ATP8A2: variants seen among roughly 807,000 people sequenced by gnomAD.
ATP8A2 encodes the protein ATPase phospholipid transporting 8A2.
A neutral mutation model predicts 165.6 loss-of-function variants in ATP8A2; 100 were observed. The ratio of observed to expected loss-of-function variants is 0.60; its 90% CI spans 0.51 to 0.71. The LOEUF (loss-of-function observed/expected upper bound fraction) is 0.71. ATP8A2 is among the 30% of genes least tolerant of loss of function. The pLI, the probability that ATP8A2 is intolerant of heterozygous loss-of-function variation, is 0.00. For missense variants in ATP8A2, 1,227 were observed against 1,479.5 expected (o/e 0.83, Z 2.80); for synonymous variants, 543 against 548.8 (o/e 0.99, Z 0.15).
At chr13:25,845,755 G>A (rs1040091965) in intron 30 of ATP8A2, among the ~76,000 whole-genome samples, 13 of 152,178 alleles carry the variant, frequency 8.5e-5, no homozygotes, top group African/African-American at 3.1e-4. Flanking sequence ...CTGAAAACTT[G>A]AGTGTTTCAT....
chr13:25,554,317 G>A (rs1490479718), intron 12 of ATP8A2, among the ~76,000 whole-genome samples: 1 of 152,166 alleles, frequency 6.6e-6, no homozygotes, highest in Non-Finnish European at 1.5e-5. Context: ...TAAGGGTGGA[G>A]ATAAGATATT....
chr13:25,952,489 C>T (rs1164105088), intron 33 of ATP8A2, among the ~76,000 whole-genome samples: 1 of 151,984 alleles, frequency 6.6e-6, no homozygotes, highest in Non-Finnish European at 1.5e-5. Flanking sequence ...CAAGCGATCC[C>T]CCCACCTTAG....
At chr13:25,420,984 C>A (rs1018519804) in intron 1 of ATP8A2, among the ~76,000 whole-genome samples, 1 of 152,214 alleles carries the variant, frequency 6.6e-6, no homozygotes, top group African/African-American at 2.4e-5. Context: ...TTTATTTCAA[C>A]CATGCCTTCC....
chr13:25,418,177 A>T (rs913394950), intron 1 of ATP8A2, among the ~76,000 whole-genome samples: 1 of 152,184 alleles, frequency 6.6e-6, no homozygotes, highest in Non-Finnish European at 1.5e-5. Flanking sequence ...GCTCCCAATG[A>T]ATACATACCC....
intron 2 of ATP8A2, among the ~76,000 whole-genome samples, chr13:25,524,933 TCCTTCTTTC>T (rs2037794440): frequency 6.6e-6 from 1 of 151,150 alleles, no homozygotes; most frequent in East Asian, 1.9e-4. Flanking sequence ...CTTCCTTCCT[TCCTTCTTTC>T]CTTCCGTCTT....
intron 1 of ATP8A2, among the ~76,000 whole-genome samples, chr13:25,430,447 G>A (rs1593296681): frequency 6.6e-6 from 1 of 152,138 alleles, no homozygotes; most frequent in African/African-American, 2.4e-5. Flanking sequence ...GCTGGATTTG[G>A]CAAAGACTTG....
chr13:25,450,642 C>A (rs1239245870), intron 1 of ATP8A2, among the ~76,000 whole-genome samples: 1 of 152,128 alleles, frequency 6.6e-6, no homozygotes, highest in African/African-American at 2.4e-5. Context: ...CGCCATTCTC[C>A]TGCTTCAGCC....
At chr13:25,783,955 A>AG (rs931213093) in intron 27 of ATP8A2, among the ~76,000 whole-genome samples, 1 of 152,042 alleles carries the variant, frequency 6.6e-6, no homozygotes, top group Non-Finnish European at 1.5e-5. Context: ...AAAGGTGGAG[A>AG]GGGGGTGAGA....
chr13:25,847,109 A>G (rs543245063), intron 30 of ATP8A2, among the ~76,000 whole-genome samples: 71 of 152,348 alleles, frequency 4.7e-4, no homozygotes, highest in African/African-American at 1.6e-3. Context: ...CCATCTGGGA[A>G]GACCTGCAGG....
chr13:25,393,347 A>T (rs527586329), intron 1 of ATP8A2, among the ~76,000 whole-genome samples: 2 of 152,072 alleles, frequency 1.3e-5, no homozygotes, highest in Admixed American at 1.3e-4. Flanking sequence ...GCCCAGGCTA[A>T]TTTCAAACTC....
chr13:25,445,556 A>T (rs564747010), intron 1 of ATP8A2, among the ~76,000 whole-genome samples: 2 of 152,376 alleles, frequency 1.3e-5, no homozygotes, highest in Non-Finnish European at 2.9e-5. Flanking sequence ...TCAAATATTG[A>T]TTTTTAAAAA....
intron 29 of ATP8A2, among the ~76,000 whole-genome samples, chr13:25,837,511 G>A (rs1046438396): frequency 2.3e-4 from 35 of 150,868 alleles, no homozygotes; most frequent in African/African-American, 6.3e-4. Flanking sequence ...CTCAGGTGAC[G>A]GGTCCATGCT....
chr13:25,582,177 A>G (rs917885469), intron 23 of ATP8A2, among the ~76,000 whole-genome samples: 5 of 152,372 alleles, frequency 3.3e-5, no homozygotes, highest in East Asian at 3.8e-4. Flanking sequence ...AGAATTAGAC[A>G]CACTTACATA....
intron 33 of ATP8A2, among the ~76,000 whole-genome samples, chr13:25,887,999 T>C (rs1040212605): frequency 1.3e-5 from 2 of 151,782 alleles, no homozygotes; most frequent in Non-Finnish European, 2.9e-5. Context: ...TGAGTGACTT[T>C]TGAGGTCGTG....
intron 26 of ATP8A2, 38 bp from the exon 27 acceptor site, chr13:25,774,811 G>A: frequency 8.2e-7 from 1 of 1,213,230 alleles, no homozygotes; most frequent in Non-Finnish European, 1.2e-6. Context: ...ATTCCTCAAT[G>A]ATGGGCTCTT....
At chr13:25,931,812 C>T (rs540960607) in intron 33 of ATP8A2, among the ~76,000 whole-genome samples, 42 of 152,080 alleles carry the variant, frequency 2.8e-4, no homozygotes, top group Non-Finnish European at 5.3e-4. Flanking sequence ...TTTGGGAGGC[C>T]GAGGCGGGCG....
chr13:25,519,881 T>C (rs961140327), intron 2 of ATP8A2, among the ~76,000 whole-genome samples: 7 of 152,202 alleles, frequency 4.6e-5, no homozygotes, highest in East Asian at 1.9e-4. Flanking sequence ...GCAGAGTGAA[T>C]GGTAAAACAT....
At chr13:25,698,224 G>A (rs946081926) in intron 24 of ATP8A2, among the ~76,000 whole-genome samples, 4 of 141,514 alleles carry the variant, frequency 2.8e-5, no homozygotes, top group Non-Finnish European at 6.2e-5. Context: ...AAGAACGTCT[G>A]TTTTTTTTTT....
At chr13:25,772,970 G>A (rs2044658457) in intron 26 of ATP8A2, among the ~76,000 whole-genome samples, 1 of 152,102 alleles carries the variant, frequency 6.6e-6, no homozygotes, top group African/African-American at 2.4e-5. Context: ...ACGTTGGCCA[G>A]ACTGGTCTTG....
Sources: allele counts gnomAD v4.1 joint callset (sites outside exome capture counted in the v4.1 genomes callset), GRCh38; gene constraint gnomAD v4.1.1; transcripts MANE v1.5; gene names NCBI Gene and HGNC (gene_info 2026-07-23, HGNC 2026-07-21).